The following DCLRE1C variants were observed in gnomAD, a reference collection of about 807,000 sequenced individuals.
The protein encoded by DCLRE1C is protein artemis.
DCLRE1C carries 47 observed loss-of-function variants against 61.4 expected under a neutral mutation model. The observed-to-expected ratio is 0.77, with a 90% CI of 0.61 to 0.98. The LOEUF is 0.98. Ranked by LOEUF, DCLRE1C falls within the 50% of genes least tolerant of loss-of-function variation. The pLI, the probability that DCLRE1C is intolerant of heterozygous loss-of-function variation, is 0.00. For synonymous variants in DCLRE1C, 337 were observed against 287.6 expected (o/e 1.17, Z -1.74); for missense variants, 858 against 816.0 (o/e 1.05, Z -0.63).
intron 2 of DCLRE1C, chr10:14,945,653 C>CTTTTTTTTTTTTTT (rs148072088): frequency 7.7e-6 from 2 of 259,710 alleles, no homozygotes; most frequent in Non-Finnish European, 4.8e-6. Flanking sequence ...TAAGTCTATT[C>CTTTTTTTTTTTTTT]TTTTTTTTTT....
chr10:14,909,778 G>A (rs1377886618), intron 13 of DCLRE1C, among the ~76,000 whole-genome samples: 1 of 145,780 alleles, frequency 6.9e-6, no homozygotes, highest in Non-Finnish European at 1.5e-5. Context: ...GGCTGACTTA[G>A]GAAAATTAAA....
chr10:14,943,622 A>G (rs41296956), intron 3 of DCLRE1C, among the ~76,000 whole-genome samples: 1,967 of 152,016 alleles, frequency 0.013, 17 homozygotes, highest in African/African-American at 0.045. Flanking sequence ...GCACGATCTC[A>G]GCTCACTGCA....
At chr10:14,934,872 G>A in intron 6 of DCLRE1C, 97 bp from the exon 7 acceptor site, 1 of 860,954 alleles carries the variant, frequency 1.2e-6, no homozygotes, top group Non-Finnish European at 2.0e-6. Flanking sequence ...CTGTTGCCCA[G>A]GCTGAAGTGC....
chr10:14,949,149 G>A, intron 1 of DCLRE1C, 62 bp from the exon 2 acceptor site: 2 of 1,156,852 alleles, frequency 1.7e-6, no homozygotes, highest in Non-Finnish European at 2.6e-6. Flanking sequence ...TAGCCCAAGG[G>A]AAACAGTCGT....
chr10:14,909,250 G>A lies in DCLRE1C; in HGVS notation c.1237C>T (p.Pro413Ser). 6.2e-7 allele frequency: 1 copy of A among 1,613,718 alleles called. No homozygotes were observed. The highest frequency in any genetic ancestry group is 8.5e-7 in the Non-Finnish European group (1 of 1,179,920). ...HKVPYPETFH[P>S]EVFSMTAVSE... is the part of the protein sequence containing the mutation. ...ACTGCAGTCATTGAAAATACCTCAG[G>A]GTGAAAAGTTTCCGGGTATGGAACT... Residue 413 changes from proline to serine, a missense_variant, in exon 14 of 14, where the codon CCT (proline) becomes TCT (serine). Physicochemically the swap from Pro to Ser is moderately conservative, Grantham distance 74. Coordinates refer to ENST00000378278, the MANE Select transcript of DCLRE1C (RefSeq NM_001033855.3).
exon 14 of DCLRE1C, chr10:14,899,036 A>G (rs1833802820): frequency 1.7e-6 from 1 of 579,402 alleles, no homozygotes; most frequent in Non-Finnish European, 3.1e-6. Context: ...ATCCTGTTTA[A>G]AAAGTCATAA....
intron 1 of DCLRE1C, among the ~76,000 whole-genome samples, chr10:14,952,275 G>T (rs1426209685): frequency 6.6e-6 from 1 of 152,132 alleles, no homozygotes; most frequent in Admixed American, 6.5e-5. Flanking sequence ...TCCAGCAGTG[G>T]ATTCTCAATG....
intron 2 of DCLRE1C, among the ~76,000 whole-genome samples, chr10:14,947,211 C>CAAAA (rs1228725478): frequency 8.1e-5 from 1 of 12,356 alleles, no homozygotes; most frequent in Non-Finnish European, 2.0e-4. Flanking sequence ...GACTCTGTTT[C>CAAAA]AAACAAACAA....
At chr10:14,926,923 A>G (rs367699700) in intron 10 of DCLRE1C, 26 bp from the exon 11 acceptor site, 2 of 1,606,702 alleles carry the variant, frequency 1.2e-6, no homozygotes, top group Non-Finnish European at 1.7e-6. Flanking sequence ...AACACAAAAT[A>G]AAAAGATCAC....
exon 14 of DCLRE1C, chr10:14,897,652 G>A: frequency 1.3e-6 from 1 of 776,160 alleles, no homozygotes; most frequent in Non-Finnish European, 1.8e-6. Flanking sequence ...AATTTATTCA[G>A]ATTTAGGAGA....
chr10:14,941,557 G>A (rs1840865643), intron 3 of DCLRE1C, among the ~76,000 whole-genome samples: 1 of 152,156 alleles, frequency 6.6e-6, no homozygotes, highest in Non-Finnish European at 1.5e-5. Flanking sequence ...GAAGTGCTAG[G>A]ACTACACATG....
chr10:14,941,670 T>G (rs1261914679), intron 3 of DCLRE1C, among the ~76,000 whole-genome samples: 4 of 152,230 alleles, frequency 2.6e-5, no homozygotes, highest in African/African-American at 9.7e-5. Flanking sequence ...GCATTTAGTT[T>G]CCACGTGTAT....
At chr10:14,901,436 A>C (rs1476528305), downstream of DCLRE1C, among the ~76,000 whole-genome samples, 3 of 152,240 alleles carry the variant, frequency 2.0e-5, no homozygotes, top group Non-Finnish European at 2.9e-5. Context: ...ACTAGAACCC[A>C]GGTCTGCCTG....
At chr10:14,913,174 G>A (rs1281349902) in intron 13 of DCLRE1C, among the ~76,000 whole-genome samples, 3 of 152,266 alleles carry the variant, frequency 2.0e-5, no homozygotes, top group South Asian at 2.1e-4. Flanking sequence ...TCTCTTATAT[G>A]AAGTGTCCAG....
At chr10:14,915,302 A>G (rs1835986234) in intron 13 of DCLRE1C, among the ~76,000 whole-genome samples, 2 of 152,008 alleles carry the variant, frequency 1.3e-5, no homozygotes, top group African/African-American at 4.8e-5. Context: ...GAAATAGAAA[A>G]CTACCCCGTG....
At chr10:14,918,354 A>G (rs1253349526) in intron 13 of DCLRE1C, among the ~76,000 whole-genome samples, 6 of 152,256 alleles carry the variant, frequency 3.9e-5, no homozygotes, top group Non-Finnish European at 7.3e-5. Flanking sequence ...TCTCTGATGC[A>G]CTGAGTAAAA....
At chr10:14,897,363 G>T in exon 14 of DCLRE1C, 6 of 1,612,990 alleles carry the variant, frequency 3.7e-6, no homozygotes, top group Non-Finnish European at 4.2e-6. Flanking sequence ...TGCAACTCAA[G>T]GTGTCAGTGT....
intron 13 of DCLRE1C, among the ~76,000 whole-genome samples, chr10:14,916,530 G>A (rs929469943): frequency 7.9e-5 from 12 of 152,176 alleles, no homozygotes; most frequent in Non-Finnish European, 1.3e-4. Flanking sequence ...AAATGCAAAT[G>A]CAAATGTTCC....
chr10:14,909,613 A>G (rs1461822338), intron 13 of DCLRE1C, among the ~76,000 whole-genome samples: 1 of 152,122 alleles, frequency 6.6e-6, no homozygotes, highest in African/African-American at 2.4e-5. Context: ...AAAAGAAAAA[A>G]AAAAAAAACA....
Sources: allele counts gnomAD v4.1 joint callset (sites outside exome capture counted in the v4.1 genomes callset), GRCh38; gene constraint gnomAD v4.1.1; transcripts MANE v1.5; gene names NCBI Gene and HGNC (gene_info 2026-07-23, HGNC 2026-07-21).